Variants in TMEM132C observed in about 807,000 individuals in gnomAD.
TMEM132C encodes transmembrane protein 132C.
TMEM132C carries 29 observed loss-of-function variants against 61.4 expected under a neutral mutation model. The observed-to-expected ratio is 0.47, with a 90% confidence interval of 0.35 to 0.64. The LOEUF (loss-of-function observed/expected upper bound fraction) is 0.64. Among genes scored for constraint, TMEM132C ranks in the 30% least tolerant of loss-of-function variants. The probability of loss-of-function intolerance (pLI) is 0.00; values close to 1 mark genes in which losing one functional copy is unlikely to be tolerated. For synonymous variants in TMEM132C, 656 were observed against 633.1 expected, an observed-to-expected ratio of 1.04 and a Z score of -0.54; for missense variants, 1,408 against 1,476.9, an observed-to-expected ratio of 0.95 and a Z score of 0.76.
At chr12:128,466,529 T>C (rs1870742832) in intron 2 of TMEM132C, among the ~76,000 whole-genome samples, 1 of 152,174 alleles carries the variant, frequency 6.6e-6, no homozygotes, top group Admixed American at 6.5e-5. Context: ...AGGGCTACAC[T>C]TTTTTCTTCT....
chr12:128,653,035 C>T (rs1954288198), intron 4 of TMEM132C, among the ~76,000 whole-genome samples: 1 of 152,128 alleles, frequency 6.6e-6, no homozygotes, highest in African/African-American at 2.4e-5. Flanking sequence ...AAATGTCCAT[C>T]AATTGAGAAA....
chr12:128,688,546 A>G (rs1390542950), intron 5 of TMEM132C, among the ~76,000 whole-genome samples: 1 of 152,198 alleles, frequency 6.6e-6, no homozygotes, highest in South Asian at 2.1e-4. Flanking sequence ...ATCCACTGTG[A>G]CTCACATGAA....
At chr12:128,536,424 G>A (rs1397149993) in intron 2 of TMEM132C, among the ~76,000 whole-genome samples, 1 of 152,112 alleles carries the variant, frequency 6.6e-6, no homozygotes, top group Non-Finnish European at 1.5e-5. Flanking sequence ...ATAGCATTAG[G>A]AGATAAACCT....
At chr12:128,425,551 G>A (rs1869150954) in intron 2 of TMEM132C, among the ~76,000 whole-genome samples, 1 of 152,224 alleles carries the variant, frequency 6.6e-6, no homozygotes, top group African/African-American at 2.4e-5. Context: ...TTAGCTCCCT[G>A]CGGCTGCCAT....
intron 3 of TMEM132C, among the ~76,000 whole-genome samples, chr12:128,605,774 C>T (rs1876401183): frequency 6.6e-6 from 1 of 152,160 alleles, no homozygotes; most frequent in African/African-American, 2.4e-5. Context: ...AGGTCCTGGG[C>T]AGCAAGGTTG....
chr12:128,396,325 A>C (rs1874954130), intron 1 of TMEM132C, among the ~76,000 whole-genome samples: 1 of 151,962 alleles, frequency 6.6e-6, no homozygotes. Context: ...TGTAAGTGGG[A>C]GTTGAACAAT....
intron 5 of TMEM132C, among the ~76,000 whole-genome samples, chr12:128,686,088 T>TGTGCATGTG (rs1491177697): frequency 7.9e-4 from 109 of 138,772 alleles, no homozygotes; most frequent in African/African-American, 3.4e-3. Flanking sequence ...CGCATGTGTG[T>TGTGCATGTG]TGTGTGCGCA....
intron 3 of TMEM132C, among the ~76,000 whole-genome samples, chr12:128,559,112 C>T (rs993397493): frequency 6.6e-6 from 1 of 150,572 alleles, no homozygotes; most frequent in Admixed American, 6.6e-5. Context: ...CACACACACA[C>T]ACAAACACAC....
At chr12:128,273,104 C>T (rs1385248684) in intron 1 of TMEM132C, among the ~76,000 whole-genome samples, 2 of 152,174 alleles carry the variant, frequency 1.3e-5, no homozygotes, top group African/African-American at 4.8e-5. Flanking sequence ...TTCAGGTCTT[C>T]TATATTCCTA....
At chr12:128,410,191 G>T (rs1868485301) in intron 1 of TMEM132C, among the ~76,000 whole-genome samples, 2 of 151,924 alleles carry the variant, frequency 1.3e-5, no homozygotes, top group African/African-American at 4.8e-5. Flanking sequence ...GATACAGTTG[G>T]AGTCTTAAAG....
At position 128,706,222 on chromosome 12, in the gene TMEM132C, T is replaced by G. The variant is rs759708636; in HGVS notation, c.3254T>G (p.Val1085Gly). 3.9e-6 allele frequency: 6 copies of G among 1,551,620 alleles called. No homozygotes were observed. In the African/African-American group the frequency reaches 6.8e-5, roughly 18 times the overall value. ...VSSNDEDIKW[V>G]CQDVAVGAPK... Reference sequence around the variant, plus strand: ...AGCAATGATGAGGACATCAAATGGGTGTGTCAAGACGTGGCTGTGGGTGCC... The same window carrying G: ...AGCAATGATGAGGACATCAAATGGGGGTGTCAAGACGTGGCTGTGGGTGCC... The change falls in exon 9 of 9, where the codon GTG becomes GGG. Residue 1085 changes from valine to glycine, a missense_variant. Coordinates refer to ENST00000435159, the MANE Select transcript of TMEM132C (RefSeq NM_001136103.3).
At chr12:128,679,884 TTCATGGTCAACCA>T (rs1334774802) in intron 5 of TMEM132C, among the ~76,000 whole-genome samples, 1 of 152,122 alleles carries the variant, frequency 6.6e-6, no homozygotes, top group Non-Finnish European at 1.5e-5. Flanking sequence ...ACAGGGCTAG[TTCATGGTCAACCA>T]TCATGGAAGC....
At chr12:128,691,248 A>G (rs1053735860) in intron 5 of TMEM132C, among the ~76,000 whole-genome samples, 2 of 152,246 alleles carry the variant, frequency 1.3e-5, no homozygotes, top group Non-Finnish European at 2.9e-5. Context: ...AAAGGTTAGG[A>G]AACACTGCCT....
Position 128,423,970 on chromosome 12 carries a change from C to T in TMEM132C, c.974+8350C>T, listed in dbSNP as rs1203277977. On this transcript the variant is annotated intron_variant, in intron 2 of 8. Transcript: ENST00000435159. ...GCTGAGGCAGGAGAATGGCATGAAC[C>T]CAGGAGGCGGAGCTTGCAGTGAGCC... Among the ~76,000 whole-genome samples, 4 of 149,452 alleles carry T rather than the reference C, an allele frequency of 2.7e-5. No homozygotes were observed. In the Admixed American group the frequency reaches 2.7e-4, roughly 10 times the overall value.
intron 3 of TMEM132C, among the ~76,000 whole-genome samples, chr12:128,554,739 GC>G (rs1341825534): frequency 6.6e-6 from 1 of 152,108 alleles, no homozygotes; most frequent in Non-Finnish European, 1.5e-5. Flanking sequence ...CACCACACGA[GC>G]CCTCCTAAAC....
intron 2 of TMEM132C, among the ~76,000 whole-genome samples, chr12:128,446,797 A>G (rs1673962): frequency 1 from 152,315 of 152,316 alleles, 76,157 homozygotes; most frequent in Non-Finnish European, 1. Flanking sequence ...GAAATGACCT[A>G]ATAATGCCAT....
intron 5 of TMEM132C, among the ~76,000 whole-genome samples, chr12:128,684,698 G>A (rs569219634): frequency 5.9e-5 from 9 of 152,338 alleles, no homozygotes; most frequent in East Asian, 1.9e-4. Flanking sequence ...TTTGGCCATC[G>A]TTTCACCGGG....
At chr12:128,579,833 T>TGATCCACTTTGCTGTATG (rs1440491338) in intron 3 of TMEM132C, among the ~76,000 whole-genome samples, 1 of 152,226 alleles carries the variant, frequency 6.6e-6, no homozygotes, top group African/African-American at 2.4e-5. Context: ...ATAAATGTCT[T>TGATCCACTTTGCTGTATG]GATCCACTTT....
intron 3 of TMEM132C, among the ~76,000 whole-genome samples, chr12:128,547,622 A>G (rs1874004553): frequency 6.6e-6 from 1 of 151,778 alleles, no homozygotes; most frequent in South Asian, 2.1e-4. Flanking sequence ...TAGGTGAGTC[A>G]CCAATTTGAG....
Sources: allele counts gnomAD v4.1 joint callset (sites outside exome capture counted in the v4.1 genomes callset), GRCh38; gene constraint gnomAD v4.1.1; transcripts MANE v1.5; gene names NCBI Gene and HGNC (gene_info 2026-07-23, HGNC 2026-07-21).